CCSER1: variants seen among roughly 807,000 people sequenced by gnomAD.
The protein encoded by CCSER1 is serine-rich coiled-coil domain-containing protein 1.
CCSER1 carries 41 observed loss-of-function variants against 82.0 expected under a neutral mutation model. The ratio of observed to expected loss-of-function variants is 0.50; its 90% confidence interval spans 0.39 to 0.65. CCSER1 has a LOEUF of 0.65. Among genes scored for constraint, CCSER1 ranks in the 30% least tolerant of loss-of-function variants. The probability of loss-of-function intolerance (pLI) is 0.00; values close to 1 mark genes in which losing one functional copy is unlikely to be tolerated. For missense variants in CCSER1, 1,119 were observed against 1,064.2 expected, an observed-to-expected ratio of 1.05 and a Z score of -0.72; for synonymous variants, 414 against 383.9, an observed-to-expected ratio of 1.08 and a Z score of -0.92.
At chr4:90,672,555 T>C (rs1732991726) in intron 6 of CCSER1, among the ~76,000 whole-genome samples, 1 of 152,054 alleles carries the variant, frequency 6.6e-6, no homozygotes, top group Non-Finnish European at 1.5e-5. Flanking sequence ...ATAAGGCTGT[T>C]TCACTTTCTT....
At chr4:91,237,758 G>C (rs1367685979) in intron 10 of CCSER1, among the ~76,000 whole-genome samples, 1 of 152,064 alleles carries the variant, frequency 6.6e-6, no homozygotes, top group Non-Finnish European at 1.5e-5. Flanking sequence ...AAGTGCCAAG[G>C]GAAATGTAGA....
At chr4:90,605,274 C>T (rs187565257) in intron 5 of CCSER1, among the ~76,000 whole-genome samples, 186 of 152,242 alleles carry the variant, frequency 1.2e-3, no homozygotes, top group African/African-American at 3.8e-3. Flanking sequence ...GTCAGCCAGA[C>T]CAAGAAACCA....
intron 10 of CCSER1, among the ~76,000 whole-genome samples, chr4:91,545,661 T>TG (rs1761850311): frequency 1.3e-5 from 2 of 152,172 alleles, no homozygotes; most frequent in African/African-American, 4.8e-5. Context: ...TATCTTTACA[T>TG]ATTAGATCCA....
At chr4:91,594,451 A>C (rs1006593286) in intron 10 of CCSER1, among the ~76,000 whole-genome samples, 1 of 148,774 alleles carries the variant, frequency 6.7e-6, no homozygotes, top group African/African-American at 2.5e-5. Context: ...ATATATACAT[A>C]TATATACACA....
At chr4:91,111,667 C>T (rs935026066) in intron 10 of CCSER1, among the ~76,000 whole-genome samples, 2 of 151,700 alleles carry the variant, frequency 1.3e-5, no homozygotes, top group Admixed American at 6.6e-5. Flanking sequence ...GCATGAATAA[C>T]TCTTCTTTTC....
At chr4:90,168,310 T>G (rs2153373001) in intron 1 of CCSER1, among the ~76,000 whole-genome samples, 1 of 152,190 alleles carries the variant, frequency 6.6e-6, no homozygotes, top group Non-Finnish European at 1.5e-5. Context: ...TTGCCCACTT[T>G]TTGATGGGGT....
chr4:91,394,782 A>G (rs1751864416), intron 10 of CCSER1, among the ~76,000 whole-genome samples: 1 of 152,038 alleles, frequency 6.6e-6, no homozygotes. Context: ...ACATATAACA[A>G]AAAACCTTCT....
chr4:90,184,270 C>T (rs778513453), intron 1 of CCSER1, among the ~76,000 whole-genome samples: 1 of 152,094 alleles, frequency 6.6e-6, no homozygotes, highest in Non-Finnish European at 1.5e-5. Flanking sequence ...TGAAGCAAAA[C>T]ACAGTACTGG....
chr4:90,783,376 G>A (rs931171864), intron 7 of CCSER1, among the ~76,000 whole-genome samples: 18 of 152,310 alleles, frequency 1.2e-4, no homozygotes, highest in Middle Eastern at 6.8e-3. Flanking sequence ...TTTAACTGCA[G>A]CAGAAGTCAC....
At chr4:90,534,441 TTGTG>T (rs376987549) in intron 5 of CCSER1, among the ~76,000 whole-genome samples, 7,995 of 136,380 alleles carry the variant, frequency 0.059, 296 homozygotes, top group East Asian at 0.19. Context: ...TGCCAGCCTT[TTGTG>T]TGTGTGTGTG....
At chr4:90,714,234 TTCTA>T (rs1252919813) in intron 6 of CCSER1, among the ~76,000 whole-genome samples, 2 of 152,048 alleles carry the variant, frequency 1.3e-5, no homozygotes, top group Non-Finnish European at 2.9e-5. Context: ...TTGTTCCTTT[TTCTA>T]TCTATTTATT....
At chr4:90,819,766 C>T (rs1349974042) in intron 8 of CCSER1, among the ~76,000 whole-genome samples, 2 of 152,060 alleles carry the variant, frequency 1.3e-5, no homozygotes, top group South Asian at 2.1e-4. Flanking sequence ...AAAGTCAAGA[C>T]TTATTATCCC....
intron 10 of CCSER1, among the ~76,000 whole-genome samples, chr4:91,339,996 A>G (rs1747603838): frequency 6.6e-6 from 1 of 152,074 alleles, no homozygotes; most frequent in Non-Finnish European, 1.5e-5. Context: ...ACGCACCTGT[A>G]ATCCCAGCAA....
intron 9 of CCSER1, among the ~76,000 whole-genome samples, chr4:90,976,337 C>G (rs768646529): frequency 2.0e-5 from 3 of 151,316 alleles, no homozygotes; most frequent in Admixed American, 6.6e-5. Context: ...AAAATGTTCA[C>G]TTACCAAAAT....
At chr4:91,397,758 A>T (rs1411125903) in intron 10 of CCSER1, among the ~76,000 whole-genome samples, 6 of 152,076 alleles carry the variant, frequency 3.9e-5, no homozygotes, top group Admixed American at 3.9e-4. Flanking sequence ...AAAGGAAATT[A>T]AAATTTTAAT....
intron 10 of CCSER1, among the ~76,000 whole-genome samples, chr4:91,220,096 A>G (rs1477658070): frequency 2.0e-5 from 3 of 152,214 alleles, no homozygotes; most frequent in African/African-American, 7.2e-5. Context: ...GGAAGAGCAT[A>G]GGGTTTAATG....
At chr4:90,371,245 G>T (rs1235697368) in intron 3 of CCSER1, among the ~76,000 whole-genome samples, 1 of 151,954 alleles carries the variant, frequency 6.6e-6, no homozygotes, top group Admixed American at 6.6e-5. Flanking sequence ...TATCCTTCCA[G>T]AAAATAATTG....
intron 10 of CCSER1, among the ~76,000 whole-genome samples, chr4:91,366,774 C>T (rs1749645266): frequency 6.6e-6 from 1 of 152,150 alleles, no homozygotes; most frequent in African/African-American, 2.4e-5. Context: ...TAACACTATA[C>T]CATTTGCTTT....
intron 9 of CCSER1, among the ~76,000 whole-genome samples, chr4:91,023,005 T>G (rs570786651): frequency 6.6e-6 from 1 of 152,200 alleles, no homozygotes; most frequent in Non-Finnish European, 1.5e-5. Flanking sequence ...GCAGAAGCTC[T>G]TTAGTTTAAT....
Sources: allele counts gnomAD v4.1 joint callset (sites outside exome capture counted in the v4.1 genomes callset), GRCh38; gene constraint gnomAD v4.1.1; transcripts MANE v1.5; gene names NCBI Gene and HGNC (gene_info 2026-07-23, HGNC 2026-07-21).